The following TGFA variants were observed in gnomAD, a reference collection of about 807,000 sequenced individuals.
TGFA encodes the protein transforming growth factor alpha.
TGFA carries 12 observed loss-of-function variants against 21.7 expected under a neutral mutation model. That is an observed-to-expected ratio of 0.55 (90% CI 0.35 to 0.90). TGFA has a LOEUF of 0.90. TGFA is among the 40% of genes least tolerant of loss of function. The pLI, the probability that TGFA is intolerant of heterozygous loss-of-function variation, is 0.01. For missense variants in TGFA, 178 were observed against 210.8 expected (o/e 0.84, Z 0.96); for synonymous variants, 79 against 88.1 (o/e 0.90, Z 0.58).
chr2:70,456,614 T>G (rs545838561), intron 3 of TGFA, 126 bp from the exon 4 acceptor site: 1 of 1,214,494 alleles, frequency 8.2e-7, no homozygotes, highest in African/African-American at 1.5e-5. Context: ...CCTGCCAGCT[T>G]TTGCAATTGG....
intron 2 of TGFA, among the ~76,000 whole-genome samples, chr2:70,472,589 G>A (rs1191832363): frequency 9.9e-5 from 15 of 152,134 alleles, no homozygotes; most frequent in African/African-American, 2.9e-4. Flanking sequence ...AGGGGTCTCC[G>A]TAGTTCAGAG....
intron 1 of TGFA, among the ~76,000 whole-genome samples, chr2:70,520,093 C>T (rs1672401350): frequency 6.6e-6 from 1 of 152,172 alleles, no homozygotes; most frequent in Non-Finnish European, 1.5e-5. Context: ...CATGAGCACC[C>T]ACTGAACACA....
At chr2:70,465,248 T>G (rs1387648427) in intron 3 of TGFA, among the ~76,000 whole-genome samples, 2 of 152,230 alleles carry the variant, frequency 1.3e-5, no homozygotes, top group Non-Finnish European at 2.9e-5. Context: ...CTTTGGCCAC[T>G]CAAAGTTATC....
At chr2:70,472,365 C>T (rs1386549718) in intron 2 of TGFA, among the ~76,000 whole-genome samples, 2 of 152,192 alleles carry the variant, frequency 1.3e-5, no homozygotes, top group African/African-American at 4.8e-5. Flanking sequence ...TTCAAAGCCA[C>T]TCAGTTCCTG....
At chr2:70,549,972 C>T (rs932290148) in intron 1 of TGFA, among the ~76,000 whole-genome samples, 1 of 152,196 alleles carries the variant, frequency 6.6e-6, no homozygotes, top group African/African-American at 2.4e-5. Flanking sequence ...CTGCCCAATA[C>T]GGAAAACATG....
At chr2:70,553,519 C>T in intron 1 of TGFA, 2 of 1,375,746 alleles carry the variant, frequency 1.5e-6, no homozygotes. Flanking sequence ...AGCCACTTTC[C>T]CGGGGAAGCC....
chr2:70,525,855 G>A (rs868937437), intron 1 of TGFA, among the ~76,000 whole-genome samples: 12 of 152,146 alleles, frequency 7.9e-5, no homozygotes, highest in Middle Eastern at 3.2e-3. Flanking sequence ...GGACTAGGGG[G>A]CACTACTGGT....
At chr2:70,501,690 G>T (rs978432321) in intron 2 of TGFA, among the ~76,000 whole-genome samples, 4 of 152,030 alleles carry the variant, frequency 2.6e-5, no homozygotes, top group Admixed American at 2.6e-4. Context: ...CCCCAATTAG[G>T]TATACTCTCC....
intron 2 of TGFA, among the ~76,000 whole-genome samples, chr2:70,514,273 C>A (rs879973611): frequency 2.0e-5 from 3 of 152,140 alleles, no homozygotes; most frequent in Non-Finnish European, 4.4e-5. Context: ...AATATTAACA[C>A]ACATGGAGAA....
At chr2:70,464,436 A>G (rs1244822452) in intron 3 of TGFA, among the ~76,000 whole-genome samples, 5 of 152,236 alleles carry the variant, frequency 3.3e-5, no homozygotes, top group Non-Finnish European at 5.9e-5. Context: ...TGGCAATTTC[A>G]TATGGATCCA....
At chr2:70,466,915 A>G (rs1202266711) in intron 2 of TGFA, among the ~76,000 whole-genome samples, 4 of 152,192 alleles carry the variant, frequency 2.6e-5, no homozygotes, top group Non-Finnish European at 5.9e-5. Flanking sequence ...CATTATCCTC[A>G]GCAAACTAAC....
At chr2:70,456,118 C>T (rs935508285) in intron 4 of TGFA, among the ~76,000 whole-genome samples, 1 of 152,234 alleles carries the variant, frequency 6.6e-6, no homozygotes, top group African/African-American at 2.4e-5. Context: ...AGTGCACCAA[C>T]CCCCCAGCTG....
At chr2:70,494,880 C>T (rs1032227280) in intron 2 of TGFA, among the ~76,000 whole-genome samples, 1 of 152,028 alleles carries the variant, frequency 6.6e-6, no homozygotes. Context: ...GATATAAATC[C>T]TCTTTAGGAT....
rs1259351439 is a variant in TGFA, at chr2:70,450,804, C to G, written c.*55G>C. 6.3e-7 allele frequency: 1 copy of G among 1,597,158 alleles called. No individual in the cohort carries two copies. The highest frequency in any genetic ancestry group is 8.5e-7 in the Non-Finnish European group (1 of 1,169,606). ...CTCTGGCAGTGCTGTCCTGAAGAAG[C>G]CTTTCTTTATTGATCTGCCACAGTC... On this transcript the variant is annotated 3_prime_UTR_variant, in exon 6 of 6. Coordinates refer to ENST00000295400, the MANE Select transcript of TGFA (RefSeq NM_003236.4).
chr2:70,543,525 CAAAA>C (rs10580951), intron 1 of TGFA, among the ~76,000 whole-genome samples: 2 of 117,956 alleles, frequency 1.7e-5, no homozygotes. Context: ...GACTCTGTCT[CAAAA>C]AAAAAAAAAA....
intron 2 of TGFA, among the ~76,000 whole-genome samples, chr2:70,495,814 G>A (rs4852620): frequency 0.18 from 26,824 of 151,990 alleles, 2,766 homozygotes; most frequent in Admixed American, 0.3. Flanking sequence ...ACATTCTACC[G>A]TTTGAATAGT....
At chr2:70,475,521 C>T (rs185323175) in intron 2 of TGFA, among the ~76,000 whole-genome samples, 29 of 151,924 alleles carry the variant, frequency 1.9e-4, no homozygotes, top group African/African-American at 4.3e-4. Context: ...GGGCATGGTG[C>T]GTGTGTGGAT....
At chr2:70,504,433 AATATAT>A (rs200901290) in intron 2 of TGFA, among the ~76,000 whole-genome samples, 79 of 62,434 alleles carry the variant, frequency 1.3e-3, no homozygotes, top group Non-Finnish European at 1.9e-3. Flanking sequence ...AAACAAAACA[AATATAT>A]ATATATATAT....
chr2:70,501,819 T>C (rs1456358014), intron 2 of TGFA, among the ~76,000 whole-genome samples: 1 of 152,270 alleles, frequency 6.6e-6, no homozygotes, highest in South Asian at 2.1e-4. Context: ...CATAAAGTGC[T>C]ATGAATAGTC....
Sources: allele counts gnomAD v4.1 joint callset (sites outside exome capture counted in the v4.1 genomes callset), GRCh38; gene constraint gnomAD v4.1.1; transcripts MANE v1.5; gene names NCBI Gene and HGNC (gene_info 2026-07-23, HGNC 2026-07-21).